The following TLK1 variants were observed in gnomAD, a reference collection of about 807,000 sequenced individuals.
TLK1 encodes the protein tousled like kinase 1, also known as serine/threonine-protein kinase tousled-like 1.
In TLK1, 24 loss-of-function variants were observed where a neutral mutation model predicts 105.3. That is an observed-to-expected ratio of 0.23 (90% CI 0.17 to 0.32). The LOEUF is 0.32. Among genes scored for constraint, TLK1 ranks in the 10% least tolerant of loss-of-function variants. The probability of loss-of-function intolerance (pLI) is 1.00; values close to 1 mark genes in which losing one functional copy is unlikely to be tolerated. For missense variants in TLK1, 558 were observed against 910.5 expected, an observed-to-expected ratio of 0.61 and a Z score of 4.98; for synonymous variants, 321 against 310.4, an observed-to-expected ratio of 1.03 and a Z score of -0.36.
chr2:171,067,060 A>G, intron 3 of TLK1: 1 of 1,346,926 alleles, frequency 7.4e-7, no homozygotes, highest in Non-Finnish European at 9.9e-7. Context: ...ATACCCCTAC[A>G]AACATTCCTT....
upstream of TLK1, chr2:171,160,903 A>AGGC (rs1296249956): frequency 1.5e-5 from 4 of 264,388 alleles, no homozygotes; most frequent in African/African-American, 2.3e-5. The surrounding 1 kb of genome is among the most constrained non-coding windows in gnomAD (Gnocchi z 4.4). Context: ...CATCAGTTAC[A>AGGC]GGCGGCGGCG....
chr2:171,062,609 T>C (rs1408802855), intron 3 of TLK1, among the ~76,000 whole-genome samples: 1 of 152,172 alleles, frequency 6.6e-6, no homozygotes, highest in Non-Finnish European at 1.5e-5. Flanking sequence ...CAGTTATTAC[T>C]TGATAAATAC....
intron 18 of TLK1, among the ~76,000 whole-genome samples, chr2:171,000,827 T>C (rs1368856110): frequency 6.6e-6 from 1 of 152,220 alleles, no homozygotes; most frequent in African/African-American, 2.4e-5. Context: ...TCTTGACTAA[T>C]AGAAACCCTT....
At chr2:171,190,740 G>A (rs1266115059) in intron 1 of TLK1, among the ~76,000 whole-genome samples, 1 of 152,146 alleles carries the variant, frequency 6.6e-6, no homozygotes, top group Non-Finnish European at 1.5e-5. Flanking sequence ...AAAAATTTAG[G>A]AACATGTCAG....
rs899333472 is a variant in TLK1, at chr2:171,033,706, C to T, written c.1170-5301G>A. Among the ~76,000 whole-genome samples the T allele has an allele frequency of 4.1e-5, 6 of 146,478 alleles. No individual in the cohort carries two copies. The East Asian group carries it at 6.6e-4, about 16-fold the overall frequency. On this transcript the variant is annotated intron_variant, in intron 11 of 20. Coordinates refer to ENST00000431350, the MANE Select transcript of TLK1 (RefSeq NM_012290.5). ...ACATTGGTTGGTGCAAAAGTAATTG[C>T]GGTTTTTGCCACTGAAAGTAGGCAA...
chr2:171,077,415 A>G (rs998557977), intron 3 of TLK1, among the ~76,000 whole-genome samples: 2 of 152,210 alleles, frequency 1.3e-5, no homozygotes, highest in Non-Finnish European at 2.9e-5. Context: ...TGATATGTCA[A>G]GCCTGTCTGA....
intron 3 of TLK1, among the ~76,000 whole-genome samples, chr2:171,064,871 G>T (rs997047203): frequency 5.9e-5 from 9 of 152,146 alleles, no homozygotes; most frequent in African/African-American, 1.9e-4. Flanking sequence ...TTTTCTACCA[G>T]TTGAAAGTTT....
At chr2:171,118,007 A>C in intron 1 of TLK1, 150 bp from the exon 2 acceptor site, 2 of 495,954 alleles carry the variant, frequency 4.0e-6, no homozygotes. Flanking sequence ...TTTATTTTTA[A>C]ATGTACACAT....
At chr2:171,174,433 C>A (rs1314706836) in intron 1 of TLK1, among the ~76,000 whole-genome samples, 4 of 152,144 alleles carry the variant, frequency 2.6e-5, no homozygotes, top group Admixed American at 6.5e-5. Flanking sequence ...TACACTAATT[C>A]TCCTTCTTGT....
rs1685107741 is a variant in TLK1 at position 171,015,041 on chromosome 2, G to T, written c.1237-93C>A. On this transcript the variant is annotated intron_variant, in intron 12 of 20. Coordinates refer to ENST00000431350, the MANE Select transcript of TLK1 (RefSeq NM_012290.5). Reference sequence around the variant, plus strand: ...CATGCATCAATGTTTTACAGTGATGGGAAGAATAGTATATTATAAAGTACC... The same window carrying T: ...CATGCATCAATGTTTTACAGTGATGTGAAGAATAGTATATTATAAAGTACC... The T allele has an allele frequency of 5.5e-6, 5 of 909,810 alleles. No homozygotes were observed. In the Admixed American group the frequency reaches 5.9e-5, roughly 11 times the overall value. The allele number at this position is 909,810 out of a possible 1,614,324, so 56.4% of individuals were successfully genotyped here.
rs145433828 is a variant in TLK1, at chr2:171,048,389, C to T, written c.980+1425G>A. On this transcript the variant is annotated intron_variant, in intron 10 of 20. Coordinates refer to ENST00000431350, the MANE Select transcript of TLK1 (RefSeq NM_012290.5). The stretch of plus-strand genomic sequence containing the variant: ...CTGGGTTTAGTAGCAGAGCCTCTTG[C>T]TCATAAACACTAAAAAATTATCTTC... 4.3e-4 allele frequency among the ~76,000 whole-genome samples: 66 copies of T among 152,314 alleles called. No homozygotes were observed. The East Asian group carries it at 0.013, about 29-fold the overall frequency.
intron 1 of TLK1, among the ~76,000 whole-genome samples, chr2:171,122,253 C>T (rs941116317): frequency 1.3e-5 from 2 of 152,222 alleles, no homozygotes; most frequent in East Asian, 1.9e-4. Context: ...CGTGAGCCAC[C>T]GCACCCGGCC....
intron 3 of TLK1, among the ~76,000 whole-genome samples, chr2:171,072,438 C>T (rs547617699): frequency 2.9e-4 from 44 of 152,086 alleles, no homozygotes; most frequent in Middle Eastern, 6.8e-3. Context: ...ATGGTGAAAC[C>T]CCATCTCTAC....
In TLK1 at chr2:171,000,234, C is replaced by T. The variant is rs1047545470; in HGVS notation, c.1905-2411G>A. Among the ~76,000 whole-genome samples the T allele has an allele frequency of 2.0e-5, 3 of 151,702 alleles. No homozygotes were observed. In the East Asian group the frequency reaches 5.8e-4, roughly 29 times the overall value. ...CTACTAAAAATACAAAAAAATTAGC[C>T]AGGCATGGTGGCGGGCACCTGTAAT... On this transcript the variant is annotated intron_variant, in intron 18 of 20. Transcript: ENST00000431350.
At chr2:171,097,411 G>A (rs1474500654) in intron 2 of TLK1, among the ~76,000 whole-genome samples, 1 of 152,034 alleles carries the variant, frequency 6.6e-6, no homozygotes, top group African/African-American at 2.4e-5. Context: ...ACATTGGTCT[G>A]GGCAATGATT....
chr2:171,139,659 A>T (rs1691486006), intron 1 of TLK1, among the ~76,000 whole-genome samples: 1 of 152,154 alleles, frequency 6.6e-6, no homozygotes, highest in Non-Finnish European at 1.5e-5. Context: ...ATCAAAGGCA[A>T]AAATAGTTCT....
At chr2:171,017,709 T>C (rs775901329) in intron 12 of TLK1, among the ~76,000 whole-genome samples, 13 of 152,202 alleles carry the variant, frequency 8.5e-5, no homozygotes, top group Non-Finnish European at 1.2e-4. Flanking sequence ...ATAAAAATCT[T>C]ACAAAATCAA....
At chr2:171,014,797 G>C in intron 13 of TLK1, 54 bp downstream of exon 13, 1 of 1,262,406 alleles carries the variant, frequency 7.9e-7, no homozygotes, top group East Asian at 2.3e-5. Context: ...TGCTCTATGG[G>C]GGGCGGGGGT....
At chr2:171,009,279 G>A (rs1457242193) in intron 14 of TLK1, among the ~76,000 whole-genome samples, 4 of 140,204 alleles carry the variant, frequency 2.9e-5, no homozygotes, top group African/African-American at 1.1e-4. Context: ...GCAACAGTCA[G>A]GATTTCTTTT....
Sources: allele counts gnomAD v4.1 joint callset (sites outside exome capture counted in the v4.1 genomes callset), GRCh38; gene constraint gnomAD v4.1.1; non-coding constraint Gnocchi (gnomAD v3.1); transcripts MANE v1.5; gene names NCBI Gene and HGNC (gene_info 2026-07-23, HGNC 2026-07-21).